The following TOX variants were observed in gnomAD, a reference collection of about 807,000 sequenced individuals.
TOX encodes the protein thymocyte selection associated high mobility group box.
A neutral mutation model predicts 53.7 loss-of-function variants in TOX; 11 were observed. That is an observed-to-expected ratio of 0.20 (90% CI 0.13 to 0.34). The LOEUF (loss-of-function observed/expected upper bound fraction) is 0.34, where lower values mean the gene tolerates loss of function less well. TOX is among the 10% of genes least tolerant of loss of function. The pLI is 1.00. For synonymous variants in TOX, 225 were observed against 245.3 expected (o/e 0.92, Z 0.77); for missense variants, 570 against 664.6 (o/e 0.86, Z 1.56).
At chr8:58,893,013 T>A (rs1811583092) in intron 3 of TOX, among the ~76,000 whole-genome samples, 1 of 152,226 alleles carries the variant, frequency 6.6e-6, no homozygotes, top group African/African-American at 2.4e-5. Flanking sequence ...CAACACCATA[T>A]GTTTCAGGTC....
intron 5 of TOX, among the ~76,000 whole-genome samples, chr8:58,828,048 T>G (rs1489696273): frequency 6.6e-6 from 1 of 152,212 alleles, no homozygotes; most frequent in Non-Finnish European, 1.5e-5. Context: ...AGATCAGTAT[T>G]GAAAAGTGGC....
rs539944294 is a variant in TOX, at chr8:59,119,030, A to T, written c.-43T>A. On this transcript the variant is annotated 5_prime_UTR_variant, in exon 1 of 9. Transcript: ENST00000361421. The stretch of plus-strand genomic sequence containing the variant: ...CAACTCCTTTTCTTTTTCCTTTTTT[A>T]AAAAAAAGTGTTCAGCAAAACAAGC... 2,105 of 1,402,558 alleles carry T rather than the reference A, an allele frequency of 1.5e-3. 2 individuals carry two copies. The highest frequency in any genetic ancestry group is 1.9e-3 in the Non-Finnish European group (1,879 of 1,003,214). 86.9% of individuals were successfully genotyped at this position (1,402,558 alleles called of 1,614,324 possible).
intron 3 of TOX, among the ~76,000 whole-genome samples, chr8:58,865,650 T>C (rs370117820): frequency 2.0e-5 from 3 of 152,180 alleles, no homozygotes; most frequent in African/African-American, 7.2e-5. Context: ...ATATTTTCGG[T>C]CTTTATGTGG....
intron 1 of TOX, among the ~76,000 whole-genome samples, chr8:58,997,779 G>A (rs545602035): frequency 1.3e-5 from 2 of 152,164 alleles, no homozygotes; most frequent in South Asian, 2.1e-4. Flanking sequence ...TTTGGAAACC[G>A]CTTTTTGTTT....
At chr8:58,933,498 C>T (rs1486170615) in intron 3 of TOX, among the ~76,000 whole-genome samples, 2 of 149,902 alleles carry the variant, frequency 1.3e-5, no homozygotes, top group Admixed American at 1.3e-4. Context: ...TTTTTAATGG[C>T]AGGATTACAT....
chr8:58,875,876 C>T (rs1811274703), intron 3 of TOX, among the ~76,000 whole-genome samples: 1 of 152,134 alleles, frequency 6.6e-6, no homozygotes, highest in South Asian at 2.1e-4. Context: ...CATTCTGGGA[C>T]TGTATCTTCA....
chr8:59,009,592 C>T (rs1173930722), intron 1 of TOX, among the ~76,000 whole-genome samples: 1 of 152,044 alleles, frequency 6.6e-6, no homozygotes, highest in Non-Finnish European at 1.5e-5. Flanking sequence ...AGGCTGGTCT[C>T]GAACTCCTGA....
intron 1 of TOX, among the ~76,000 whole-genome samples, chr8:59,041,046 G>C (rs552615211): frequency 1.3e-5 from 2 of 151,080 alleles, no homozygotes; most frequent in South Asian, 4.2e-4. Context: ...TTGACCATCA[G>C]CAGGAGGCAC....
chr8:59,092,283 T>TATATA lies in TOX; in HGVS notation c.102+26598_102+26602dup, dbSNP rs1563443737. The stretch of plus-strand genomic sequence containing the variant: ...ATATATTTTATATATATATATATAT[T>TATATA]ATATATACATTATATATATTATATA... On this transcript the variant is annotated intron_variant, in intron 1 of 8. Coordinates refer to ENST00000361421, the MANE Select transcript of TOX (RefSeq NM_014729.3). Among the ~76,000 whole-genome samples the TATATA allele has an allele frequency of 5.0e-3, 433 of 87,396 alleles. 14 individuals carry two copies. The highest frequency in any genetic ancestry group is 8.9e-3 in the Non-Finnish European group (378 of 42,512). The allele number at this position is 87,396 out of a possible 152,430, so 57.3% of individuals were successfully genotyped here.
intron 1 of TOX, among the ~76,000 whole-genome samples, chr8:59,046,042 C>T (rs1395478283): frequency 2.6e-5 from 4 of 152,132 alleles, no homozygotes; most frequent in Non-Finnish European, 4.4e-5. Context: ...AGGTGACTGC[C>T]GTCCCCTGGG....
intron 3 of TOX, among the ~76,000 whole-genome samples, chr8:58,893,813 T>C (rs1007687286): frequency 1.3e-5 from 2 of 152,150 alleles, no homozygotes; most frequent in Non-Finnish European, 2.9e-5. Context: ...CTGTTTAAGG[T>C]GAAACGTGAA....
At chr8:59,039,725 A>C (rs1287655038) in intron 1 of TOX, among the ~76,000 whole-genome samples, 3 of 152,234 alleles carry the variant, frequency 2.0e-5, no homozygotes, top group Non-Finnish European at 2.9e-5. Flanking sequence ...AAGAATCCTA[A>C]ACATTTCTGT....
At chr8:58,920,724 A>AC (rs1812054449) in intron 3 of TOX, among the ~76,000 whole-genome samples, 8 of 93,390 alleles carry the variant, frequency 8.6e-5, no homozygotes, top group African/African-American at 2.8e-4. Context: ...AAAACATTAA[A>AC]AAAAAAAAAA....
At chr8:58,814,113 T>C (rs1013700422) in intron 7 of TOX, among the ~76,000 whole-genome samples, 1 of 152,172 alleles carries the variant, frequency 6.6e-6, no homozygotes, top group Non-Finnish European at 1.5e-5. Context: ...ATTGGGCTTG[T>C]TACTGTGAGC....
intron 1 of TOX, among the ~76,000 whole-genome samples, chr8:59,073,376 C>CA (rs1222770433): frequency 6.6e-6 from 1 of 151,980 alleles, no homozygotes; most frequent in Non-Finnish European, 1.5e-5. Context: ...AGGAAAACTT[C>CA]AAAAAATGAA....
At position 58,807,513 on chromosome 8, in the gene TOX, T is replaced by C. The variant is rs569659739; in HGVS notation, c.*234A>G. On this transcript the variant is annotated 3_prime_UTR_variant, in exon 9 of 9. Coordinates refer to ENST00000361421, the MANE Select transcript of TOX (RefSeq NM_014729.3). ...GCAAAAAACCAACATAAAATCTGAA[T>C]GGTCCAAATTTCCTTCAGGGAAGAA... 4.3e-5 allele frequency: 20 copies of C among 465,622 alleles called. No homozygotes were observed. The highest frequency in any genetic ancestry group is 2.4e-4 in the Admixed American group (7 of 28,718). 28.8% of individuals were successfully genotyped at this position (465,622 alleles called of 1,614,324 possible). A position where few individuals can be genotyped will look rare whatever the true frequency, so the allele number is the denominator to read the frequency against.
chr8:58,858,926 A>T (rs140809031), intron 3 of TOX, among the ~76,000 whole-genome samples: 2 of 152,328 alleles, frequency 1.3e-5, no homozygotes, highest in East Asian at 3.9e-4. Context: ...GTAAATGTTG[A>T]TATTATTTAA....
intron 1 of TOX, among the ~76,000 whole-genome samples, chr8:59,004,948 G>T (rs1238948507): frequency 6.6e-6 from 1 of 152,092 alleles, no homozygotes; most frequent in Non-Finnish European, 1.5e-5. Flanking sequence ...TGGAATATGT[G>T]TGATTACATT....
Position 59,040,210 on chromosome 8 carries a change from T to C in TOX, c.102+78676A>G, listed in dbSNP as rs867188514. On this transcript the variant is annotated intron_variant, in intron 1 of 8. Transcript: ENST00000361421. ...CGGGCGTAGTGGCGGGCGCCTGTAG[T>C]CCCAGCTACTTGGGAGGCTGAGGCA... Among the ~76,000 whole-genome samples, 483 of 149,626 alleles carry C rather than the reference T, an allele frequency of 3.2e-3. 4 individuals carry two copies. Among genetic ancestry groups the C allele is most frequent in the Middle Eastern group, 0.032 (9 of 284 alleles).
Sources: gnomAD v4.1 joint callset for allele counts (sites outside exome capture counted in the v4.1 genomes callset) on GRCh38, gnomAD v4.1.1 for gene constraint, MANE v1.5 for transcripts, NCBI Gene and HGNC (gene_info 2026-07-23, HGNC 2026-07-21) for gene names.